Variants in PTPRA observed in about 807,000 individuals in gnomAD.
PTPRA encodes the protein protein tyrosine phosphatase receptor type A, also known as receptor-type tyrosine-protein phosphatase alpha.
In PTPRA, 25 loss-of-function variants were observed where a neutral mutation model predicts 104.8. That is an observed-to-expected ratio of 0.24 (90% CI 0.17 to 0.33). The LOEUF is 0.33. Ranked by LOEUF, PTPRA falls within the 10% of genes least tolerant of loss-of-function variation. The probability of loss-of-function intolerance (pLI) is 1.00; values close to 1 mark genes in which losing one functional copy is unlikely to be tolerated. For synonymous variants in PTPRA, 323 were observed against 368.9 expected (o/e 0.88, Z 1.43); for missense variants, 765 against 1,015.3 (o/e 0.75, Z 3.35).
intron 6 of PTPRA, among the ~76,000 whole-genome samples, chr20:2,984,432 C>T (rs573383834): frequency 1.3e-5 from 2 of 152,310 alleles, no homozygotes; most frequent in African/African-American, 4.8e-5. Context: ...GGTTTCACTT[C>T]TCTGTCTCAT....
intron 1 of PTPRA, among the ~76,000 whole-genome samples, chr20:2,900,088 C>T (rs1046903632): frequency 1.7e-4 from 26 of 151,640 alleles, no homozygotes; most frequent in Admixed American, 4.6e-4. Flanking sequence ...CTAGCCTGGG[C>T]GACAGAGTGA....
At chr20:2,912,467 T>C (rs890750976) in intron 1 of PTPRA, among the ~76,000 whole-genome samples, 1 of 151,620 alleles carries the variant, frequency 6.6e-6, no homozygotes, top group Admixed American at 6.6e-5. Context: ...CTACAAAAAA[T>C]ACAAAAATTA....
chr20:2,916,193 C>T (rs1182120725), intron 1 of PTPRA, among the ~76,000 whole-genome samples: 5 of 151,944 alleles, frequency 3.3e-5, no homozygotes, highest in Admixed American at 1.3e-4. Flanking sequence ...GCTTGTGCCA[C>T]CATGCCTGGC....
intron 1 of PTPRA, among the ~76,000 whole-genome samples, chr20:2,878,588 C>T (rs2089879185): frequency 6.6e-6 from 1 of 152,088 alleles, no homozygotes; most frequent in South Asian, 2.1e-4. Flanking sequence ...TACTTTTATA[C>T]CCCTTGTTCA....
chr20:2,927,301 C>T (rs902146223), intron 2 of PTPRA, among the ~76,000 whole-genome samples: 1 of 152,178 alleles, frequency 6.6e-6, no homozygotes, highest in Non-Finnish European at 1.5e-5. Flanking sequence ...GGTTCAATGT[C>T]ATAGACCCTG....
the PTPRA span, chr20:2,866,055 A>G: frequency 1.5e-6 from 1 of 676,186 alleles, no homozygotes; most frequent in East Asian, 2.7e-5. Flanking sequence ...TGAGATCACA[A>G]CTGTCTGTGC....
In PTPRA at chr20:2,953,613, G is replaced by GT. The variant is rs201447901; in HGVS notation, c.-7+5601dup. ...TATGAAATAGGTTTTTTGGTGTTTT[G>GT]TTTTTTTTTTTTGAGACAGAATCTT... is the stretch of plus-strand genomic sequence containing the variant. On this transcript the variant is annotated intron_variant, in intron 3 of 23. Coordinates refer to ENST00000399903, the MANE Select transcript of PTPRA (RefSeq NM_001385305.1). Among the ~76,000 whole-genome samples, 546 of 139,734 alleles carry GT rather than the reference G, an allele frequency of 3.9e-3. 1 individual carries two copies. The highest frequency in any genetic ancestry group is 0.013 in the East Asian group (62 of 4,814). 91.7% of individuals were successfully genotyped at this position (139,734 alleles called of 152,430 possible). A position where few individuals can be genotyped will look rare whatever the true frequency, so the allele number is the denominator to read the frequency against.
At position 2,911,966 on chromosome 20, in the gene PTPRA, G is replaced by C. The variant is rs145871689; in HGVS notation, c.-128-11241G>C. On this transcript the variant is annotated intron_variant, in intron 1 of 23. Coordinates refer to ENST00000399903, the MANE Select transcript of PTPRA (RefSeq NM_001385305.1). ...ATTCGATTAAGAAATTAGAAGGCCGGGCATGGGGACTCAGGCCTATAATCC... is the reference window on the plus strand; with the variant it reads ...ATTCGATTAAGAAATTAGAAGGCCGCGCATGGGGACTCAGGCCTATAATCC... Among the ~76,000 whole-genome samples, 374 of 152,246 alleles carry C rather than the reference G, an allele frequency of 2.5e-3. 2 individuals carry two copies. In the South Asian group the frequency reaches 0.027, roughly 11 times the overall value.
chr20:2,929,934 A>T (rs1319980828), intron 2 of PTPRA, among the ~76,000 whole-genome samples: 1 of 152,202 alleles, frequency 6.6e-6, no homozygotes, highest in Non-Finnish European at 1.5e-5. Flanking sequence ...GTACACGCAG[A>T]CATCAGAAAC....
At chr20:2,871,498 A>G (rs2089426847), upstream of PTPRA, among the ~76,000 whole-genome samples, 1 of 152,232 alleles carries the variant, frequency 6.6e-6, no homozygotes, top group South Asian at 2.1e-4. Context: ...CTTCTAGGGT[A>G]ATACAAATAA....
intron 1 of PTPRA, among the ~76,000 whole-genome samples, chr20:2,900,096 T>G (rs1390023610): frequency 6.6e-6 from 1 of 150,918 alleles, no homozygotes; most frequent in Admixed American, 6.6e-5. Context: ...GGCGACAGAG[T>G]GAGACTCCAT....
the PTPRA span, among the ~76,000 whole-genome samples, chr20:2,868,072 A>T: frequency 1.3e-5 from 2 of 152,186 alleles, no homozygotes; most frequent in South Asian, 4.1e-4. Context: ...GCTAACTCAC[A>T]CACTTGGTGA....
chr20:2,997,268 G>T (rs2063437557), intron 9 of PTPRA, among the ~76,000 whole-genome samples: 1 of 152,100 alleles, frequency 6.6e-6, no homozygotes, highest in Non-Finnish European at 1.5e-5. Flanking sequence ...GGGGCTGGAA[G>T]AGAGGAGAGA....
chr20:3,007,651 C>G (rs1270967378), intron 11 of PTPRA, among the ~76,000 whole-genome samples: 1 of 152,130 alleles, frequency 6.6e-6, no homozygotes, highest in African/African-American at 2.4e-5. Context: ...AAATCTGTGT[C>G]TAAATATGTA....
At chr20:2,977,954 CAGAGAT>C (rs1319156663) in intron 6 of PTPRA, among the ~76,000 whole-genome samples, 1 of 151,912 alleles carries the variant, frequency 6.6e-6, no homozygotes, top group Admixed American at 6.6e-5. Flanking sequence ...GAAGGAGGCA[CAGAGAT>C]GTGCTTTGGG....
chr20:2,894,117 T>C (rs1224187211), intron 1 of PTPRA, among the ~76,000 whole-genome samples: 2 of 152,368 alleles, frequency 1.3e-5, no homozygotes, highest in Middle Eastern at 3.4e-3. Flanking sequence ...ATAATAGTTA[T>C]ATAATCAAAC....
At chr20:2,926,769 C>CTTTTTTTTTTTTTTTTTTTTTTTT (rs777386962) in intron 2 of PTPRA, among the ~76,000 whole-genome samples, 7 of 85,024 alleles carry the variant, frequency 8.2e-5, no homozygotes, top group Non-Finnish European at 1.1e-4. Context: ...TTTCCTTTTC[C>CTTTTTTTTTTTTTTTTTTTTTTTT]TTTTTTTTTT....
At chr20:2,945,629 A>G (rs145919638) in intron 2 of PTPRA, among the ~76,000 whole-genome samples, 1 of 151,378 alleles carries the variant, frequency 6.6e-6, no homozygotes, top group African/African-American at 2.4e-5. Context: ...ATAAATATTT[A>G]TTTATTTATT....
intron 2 of PTPRA, among the ~76,000 whole-genome samples, chr20:2,932,818 A>G (rs888950952): frequency 6.6e-6 from 1 of 152,244 alleles, no homozygotes; most frequent in African/African-American, 2.4e-5. Flanking sequence ...TCAGGATGGC[A>G]CTTTCTGTAG....
Sources: gnomAD v4.1 joint callset for allele counts (sites outside exome capture counted in the v4.1 genomes callset) on GRCh38, gnomAD v4.1.1 for gene constraint, MANE v1.5 for transcripts, NCBI Gene and HGNC (gene_info 2026-07-23, HGNC 2026-07-21) for gene names.